Variants in RBPJ observed in about 807,000 individuals in gnomAD.
RBPJ encodes the protein recombination signal binding protein for immunoglobulin kappa J region, also known as recombining binding protein suppressor of hairless.
A neutral mutation model predicts 67.8 loss-of-function variants in RBPJ; 9 were observed. That is an observed-to-expected ratio of 0.13 (90% confidence interval 0.08 to 0.23). The LOEUF is 0.23. RBPJ is among the 10% of genes least tolerant of loss of function. RBPJ has a pLI of 1.00. For synonymous variants in RBPJ, 198 were observed against 203.3 expected (o/e 0.97, Z 0.22); for missense variants, 305 against 595.6 (o/e 0.51, Z 5.08).
At chr4:26,125,195 G>A in the RBPJ span, among the ~76,000 whole-genome samples, 1 of 152,192 alleles carries the variant, frequency 6.6e-6, no homozygotes, top group South Asian at 2.1e-4. Context: ...TAGCTGCAAG[G>A]GTGGCTGGGA....
rs186642172 is a variant in RBPJ, at chr4:26,203,362, T to G, written c.-167+39748T>G. On this transcript the variant is annotated intron_variant, in intron 1 of 4. Coordinates refer to the RBPJ transcript ENST00000512351. The stretch of plus-strand genomic sequence containing the variant: ...GCTCATTTCCTCACCTTCCTCATCT[T>G]TATTCAAATGCAACCTTCTCCCCAG... Among the ~76,000 whole-genome samples the G allele has an allele frequency of 1.4e-3, 220 of 152,314 alleles. 1 individual carries two copies. Among genetic ancestry groups the G allele is most frequent in the African/African-American group, 4.8e-3 (199 of 41,574 alleles).
chr4:26,349,272 A>C (rs976527400), intron 1 of RBPJ, among the ~76,000 whole-genome samples: 1 of 151,984 alleles, frequency 6.6e-6, no homozygotes, highest in South Asian at 2.1e-4. Context: ...GTGTCTCGCT[A>C]TGTTGCCCAG....
rs752972128 is a variant in RBPJ, at chr4:26,430,806, C to A, written c.1263C>A (p.Ile421=). Residue 421 remains isoleucine, a synonymous_variant, in exon 11 of 11, where the codon ATC becomes ATA. Transcript: ENST00000355476. The surrounding 1 kb of genome is among the most constrained non-coding windows in gnomAD (Gnocchi z 4.1). ...VPVTLVRNDG[I]IYSTSLTFTY... is the part of the protein sequence containing the mutation. ...TAACTTTGGTCCGAAATGATGGAAT[C>A]ATTTATTCCACCAGCCTTACCTTTA... The A allele has an allele frequency of 1.2e-6, 2 of 1,613,996 alleles. No individual in the cohort carries two copies. Among genetic ancestry groups the A allele is most frequent in the East Asian group, 2.2e-5 (1 of 44,876 alleles).
At chr4:26,401,725 T>C (rs577711513) in intron 2 of RBPJ, among the ~76,000 whole-genome samples, 11 of 152,284 alleles carry the variant, frequency 7.2e-5, no homozygotes, top group African/African-American at 2.6e-4. Context: ...TAATAGAGAC[T>C]ACAAATACAA....
intron 1 of RBPJ, among the ~76,000 whole-genome samples, chr4:26,363,319 T>C (rs1728270028): frequency 6.6e-6 from 1 of 152,210 alleles, no homozygotes; most frequent in African/African-American, 2.4e-5. Flanking sequence ...TTCGTATTTT[T>C]AGTAGAGACA....
chr4:26,273,344 A>G (rs1319731988), intron 1 of RBPJ, among the ~76,000 whole-genome samples: 1 of 152,214 alleles, frequency 6.6e-6, no homozygotes, highest in East Asian at 1.9e-4. Context: ...ATAAAGCCCC[A>G]CAGTAGTTAC....
At chr4:26,390,903 A>G (rs1314978885) in intron 2 of RBPJ, among the ~76,000 whole-genome samples, 1 of 152,190 alleles carries the variant, frequency 6.6e-6, no homozygotes, top group African/African-American at 2.4e-5. Context: ...AATAATAAAA[A>G]AAATTAGCTG....
At chr4:26,223,538 G>A (rs1436146065) in intron 1 of RBPJ, among the ~76,000 whole-genome samples, 1 of 152,196 alleles carries the variant, frequency 6.6e-6, no homozygotes, top group Non-Finnish European at 1.5e-5. Flanking sequence ...AAAAGAAGAT[G>A]TCCTAATACA....
At chr4:26,429,649 GTAT>G (rs1306234025) in intron 8 of RBPJ, among the ~76,000 whole-genome samples, 1 of 152,144 alleles carries the variant, frequency 6.6e-6, no homozygotes, top group African/African-American at 2.4e-5. Context: ...GTTCTGAAAG[GTAT>G]TATTATTTAA....
the RBPJ span, among the ~76,000 whole-genome samples, chr4:26,148,044 G>T: frequency 6.6e-6 from 1 of 152,182 alleles, no homozygotes; most frequent in Non-Finnish European, 1.5e-5. Context: ...GATGATTCTA[G>T]TGTATACTAA....
intron 7 of RBPJ, among the ~76,000 whole-genome samples, chr4:26,425,862 G>A (rs911446762): frequency 2.0e-5 from 3 of 151,942 alleles, no homozygotes; most frequent in African/African-American, 7.3e-5. Context: ...TCTTTTTGGT[G>A]CAATATTCCA....
chr4:26,282,557 G>A (rs1228142452), intron 1 of RBPJ, among the ~76,000 whole-genome samples: 1 of 148,652 alleles, frequency 6.7e-6, no homozygotes, highest in African/African-American at 2.5e-5. Context: ...TTTCACTGTT[G>A]TTGCCCAGGC....
In RBPJ at chr4:26,386,496, T is replaced by C. The variant is rs935905242; in HGVS notation, c.59+105T>C. On this transcript the variant is annotated intron_variant, in intron 2 of 10. Transcript: ENST00000355476. The stretch of plus-strand genomic sequence containing the variant: ...AGGTACCCTTAAAGTCATTCAAATA[T>C]TACTGTCTAGAGCATAAACTTATTC... The C allele has an allele frequency of 1.1e-5, 8 of 753,614 alleles. No individual in the cohort carries two copies. The African/African-American group carries it at 1.4e-4, about 14-fold the overall frequency. The allele number at this position is 753,614 out of a possible 1,614,324, so 46.7% of individuals were successfully genotyped here.
chr4:26,383,505 T>C (rs527958926), intron 1 of RBPJ, among the ~76,000 whole-genome samples: 87 of 152,362 alleles, frequency 5.7e-4, no homozygotes, highest in South Asian at 2.1e-3. Context: ...AAATTTTTAC[T>C]ATTTTAAGCC....
intron 1 of RBPJ, among the ~76,000 whole-genome samples, chr4:26,266,015 G>A (rs1275794234): frequency 6.6e-6 from 1 of 151,830 alleles, no homozygotes; most frequent in Non-Finnish European, 1.5e-5. Context: ...CTGAGCAACA[G>A]AGCAAGACTG....
At chr4:26,375,898 G>A (rs1185556535) in intron 1 of RBPJ, among the ~76,000 whole-genome samples, 1 of 152,140 alleles carries the variant, frequency 6.6e-6, no homozygotes, top group Non-Finnish European at 1.5e-5. Context: ...TCCTTACCTT[G>A]ATGGTAATAG....
the RBPJ span, among the ~76,000 whole-genome samples, chr4:26,149,150 TA>T: frequency 6.6e-6 from 1 of 152,090 alleles, no homozygotes; most frequent in Non-Finnish European, 1.5e-5. Flanking sequence ...TCCAGAGTCA[TA>T]AGGGAAATGG....
intron 2 of RBPJ, among the ~76,000 whole-genome samples, chr4:26,387,354 A>T (rs982784612): frequency 4.6e-5 from 7 of 152,168 alleles, no homozygotes; most frequent in African/African-American, 1.7e-4. Context: ...CTGTATAATA[A>T]AACAACAGCT....
intron 1 of RBPJ, among the ~76,000 whole-genome samples, chr4:26,232,940 A>G (rs962639025): frequency 6.6e-6 from 1 of 152,216 alleles, no homozygotes; most frequent in Non-Finnish European, 1.5e-5. Context: ...AACACCATCT[A>G]AGTTTTGTAA....
Sources: gnomAD v4.1 joint callset for allele counts (sites outside exome capture counted in the v4.1 genomes callset) on GRCh38, gnomAD v4.1.1 for gene constraint, Gnocchi (gnomAD v3.1) non-coding constraint, MANE v1.5 for transcripts, NCBI Gene and HGNC (gene_info 2026-07-23, HGNC 2026-07-21) for gene names.